The following FRMPD4 variants were observed in gnomAD, a reference collection of about 807,000 sequenced individuals.
The protein encoded by FRMPD4 is FERM and PDZ domain containing 4, also known as FERM and PDZ domain-containing protein 4.
In FRMPD4, 22 loss-of-function variants were observed where a neutral mutation model predicts 94.1. That is an observed-to-expected ratio of 0.23 (90% confidence interval 0.17 to 0.33). FRMPD4 has a LOEUF of 0.33. Among genes scored for constraint, FRMPD4 ranks in the 10% least tolerant of loss-of-function variants. The pLI is 1.00. For synonymous variants in FRMPD4, 631 were observed against 548.6 expected (o/e 1.15, Z -2.10); for missense variants, 1,111 against 1,339.9 (o/e 0.83, Z 2.67).
chrX:12,143,288 T>C (rs1482692141), intron 1 of FRMPD4, among the ~76,000 whole-genome samples: 2 of 112,824 alleles, frequency 1.8e-5, no homozygotes, highest in Non-Finnish European at 1.9e-5. Flanking sequence ...CTGACTGTTA[T>C]GGCATAGCCT....
intron 3 of FRMPD4, among the ~76,000 whole-genome samples, chrX:11,974,672 A>G (rs2054358097): frequency 8.9e-6 from 1 of 112,225 alleles, no homozygotes; most frequent in Non-Finnish European, 1.9e-5. Flanking sequence ...TAAGGAGAAT[A>G]TCTTTTTTTC....
chrX:12,546,021 A>G (rs1319115754), intron 2 of FRMPD4, among the ~76,000 whole-genome samples: 2 of 112,625 alleles, frequency 1.8e-5, no homozygotes, highest in Admixed American at 9.4e-5. Context: ...GAACAGGGTC[A>G]TTTAAAACCA....
At chrX:11,853,118 A>G (rs2053634773) in intron 1 of FRMPD4, among the ~76,000 whole-genome samples, 2 of 112,297 alleles carry the variant, frequency 1.8e-5, no homozygotes, top group African/African-American at 6.5e-5. Context: ...ATTTACATGG[A>G]AATTGAATAA....
In FRMPD4 at chrX:12,203,183, C is replaced by T. The variant is rs978136994; in HGVS notation, c.41+64171C>T. 2.7e-5 allele frequency among the ~76,000 whole-genome samples: 3 copies of T among 111,143 alleles called. No individual in the cohort carries two copies. The Admixed American group carries it at 2.9e-4, about 11-fold the overall frequency. On this transcript the variant is annotated intron_variant, in intron 1 of 16. Transcript: ENST00000675598. Reference sequence around the variant, plus strand: ...GCTTTATTCATGTGTTAGTCAAGATCGAGTGAAGTAAGAATAAAACACTCT... The same window carrying T: ...GCTTTATTCATGTGTTAGTCAAGATTGAGTGAAGTAAGAATAAAACACTCT...
At chrX:12,410,310 C>G (rs1357865429) in intron 1 of FRMPD4, among the ~76,000 whole-genome samples, 1 of 111,676 alleles carries the variant, frequency 9.0e-6, no homozygotes, top group Admixed American at 9.5e-5. Flanking sequence ...TACACACATT[C>G]ATTTCAATTT....
intron 9 of FRMPD4, among the ~76,000 whole-genome samples, chrX:12,701,049 G>A (rs750125252): frequency 1.9e-5 from 2 of 105,777 alleles, no homozygotes; most frequent in East Asian, 6.2e-4. Context: ...AAGAGCTTTT[G>A]GGGTTTTGTT....
At chrX:12,606,900 A>G (rs904826480) in intron 2 of FRMPD4, among the ~76,000 whole-genome samples, 1 of 111,686 alleles carries the variant, frequency 9.0e-6, no homozygotes, top group Non-Finnish European at 1.9e-5. Context: ...AGAGGGGACC[A>G]GAGAACCAAA....
At position 12,519,135 on chromosome X, in the gene FRMPD4, A is replaced by C. The variant is rs759029523; in HGVS notation, c.158+20339A>C. Among the ~76,000 whole-genome samples the C allele has an allele frequency of 4.4e-5, 5 of 112,432 alleles. No individual in the cohort carries two copies. The East Asian group carries it at 1.4e-3, about 31-fold the overall frequency. ...TCAATATTGCCCAAAGCAGTCTACA[A>C]ATTCAACACAATTCCTGTAAATATG... is the stretch of plus-strand genomic sequence containing the variant. On this transcript the variant is annotated intron_variant, in intron 2 of 16. Transcript: ENST00000675598.
intron 4 of FRMPD4, among the ~76,000 whole-genome samples, chrX:12,655,283 A>C (rs1182503761): frequency 8.9e-6 from 1 of 111,984 alleles, no homozygotes; most frequent in Non-Finnish European, 1.9e-5. Context: ...TCCCCTAGAG[A>C]ATGACTGCTG....
rs982357903 is a variant in FRMPD4, at chrX:12,319,930, A to G, written c.42-178750A>G. Among the ~76,000 whole-genome samples, 23 of 112,008 alleles carry G rather than the reference A, an allele frequency of 2.1e-4. 1 individual carries two copies. On this transcript the variant is annotated intron_variant, in intron 1 of 16. Transcript: ENST00000675598. ...GATCTGAAGTTCTGGAAGTATGGCC[A>G]TGGTCGATTTCTTTTTCTGCATGGT...
chrX:12,160,068 G>GGTGTGTGTGTGTGTGT (rs757966489), intron 1 of FRMPD4, among the ~76,000 whole-genome samples: 13 of 100,050 alleles, frequency 1.3e-4, no homozygotes, highest in African/African-American at 4.8e-4. Context: ...GATGTTGAGG[G>GGTGTGTGTGTGTGTGT]GTGTGTGTGT....
At chrX:12,244,675 G>A (rs748504218) in intron 1 of FRMPD4, among the ~76,000 whole-genome samples, 1 of 112,731 alleles carries the variant, frequency 8.9e-6, no homozygotes, top group Non-Finnish European at 1.9e-5. Context: ...AAGTTTACCA[G>A]CTCCTGTTCT....
intron 3 of FRMPD4, among the ~76,000 whole-genome samples, chrX:12,073,641 A>T (rs1380750703): frequency 2.7e-5 from 3 of 112,374 alleles, no homozygotes; most frequent in Non-Finnish European, 5.6e-5. Flanking sequence ...CTTAAACTAG[A>T]TAGAGCCAGA....
intron 1 of FRMPD4, among the ~76,000 whole-genome samples, chrX:12,309,805 G>C (rs1203409092): frequency 8.9e-6 from 1 of 112,705 alleles, no homozygotes; most frequent in East Asian, 2.8e-4. Context: ...TCAGCATTCA[G>C]GCAGCGCATC....
rs145452866 is a variant in FRMPD4, at chrX:12,346,687, C to T, written c.42-151993C>T. 6.1e-3 allele frequency among the ~76,000 whole-genome samples: 678 copies of T among 111,014 alleles called. 5 individuals carry two copies. The highest frequency in any genetic ancestry group is 0.021 in the African/African-American group (652 of 30,523). ...CAAAAATGGAGCATACTTTTTTATT[C>T]TTCAGTCACCTTCTTGATTTGCCCC... On this transcript the variant is annotated intron_variant, in intron 1 of 16. Transcript: ENST00000675598.
intron 1 of FRMPD4, among the ~76,000 whole-genome samples, chrX:12,448,791 A>G (rs1274404526): frequency 8.9e-6 from 1 of 112,184 alleles, no homozygotes; most frequent in Non-Finnish European, 1.9e-5. Context: ...TTTGGATACA[A>G]TGAGTGTGGA....
chrX:12,301,273 G>A (rs138707826), intron 1 of FRMPD4, among the ~76,000 whole-genome samples: 11 of 111,972 alleles, frequency 9.8e-5, no homozygotes, highest in African/African-American at 2.6e-4. Flanking sequence ...AAATCAGATC[G>A]TGTCTTTCTT....
At chrX:12,163,462 T>TA (rs201319402) in intron 1 of FRMPD4, among the ~76,000 whole-genome samples, 1,407 of 67,542 alleles carry the variant, frequency 0.021, 21 homozygotes, top group East Asian at 0.063. Context: ...TGACCCTTTG[T>TA]AAAAAAAAAA....
At chrX:12,115,442 T>A (rs1199073928) in intron 3 of FRMPD4, among the ~76,000 whole-genome samples, 1 of 111,367 alleles carries the variant, frequency 9.0e-6, no homozygotes, top group Non-Finnish European at 1.9e-5. Flanking sequence ...CCTCCCAAAG[T>A]GTTGGGATTA....
Sources: gnomAD v4.1 joint callset for allele counts (sites outside exome capture counted in the v4.1 genomes callset) on GRCh38, gnomAD v4.1.1 for gene constraint, MANE v1.5 for transcripts, NCBI Gene and HGNC (gene_info 2026-07-23, HGNC 2026-07-21) for gene names.